Variants in SYT1 observed in about 807,000 individuals in gnomAD.
The protein encoded by SYT1 is synaptotagmin 1, also known as synaptotagmin-1.
SYT1 carries 8 observed loss-of-function variants against 44.8 expected under a neutral mutation model. The ratio of observed to expected loss-of-function variants is 0.18; its 90% CI spans 0.10 to 0.32. The LOEUF (loss-of-function observed/expected upper bound fraction) is 0.32, where lower values mean the gene tolerates loss of function less well. Ranked by LOEUF, SYT1 falls within the 10% of genes least tolerant of loss-of-function variation. The pLI is 1.00. For synonymous variants in SYT1, 154 were observed against 188.8 expected (o/e 0.82, Z 1.51); for missense variants, 286 against 509.3 (o/e 0.56, Z 4.22).
At chr12:78,930,499 T>C (rs377560720) in intron 1 of SYT1, among the ~76,000 whole-genome samples, 7 of 152,086 alleles carry the variant, frequency 4.6e-5, no homozygotes, top group Admixed American at 2.6e-4. Context: ...AAAAAATAGA[T>C]GGAGTTAATG....
chr12:79,308,610 GAAAAAGAAAGAA>G (rs1189862002), intron 8 of SYT1, among the ~76,000 whole-genome samples: 1 of 61,076 alleles, frequency 1.6e-5, no homozygotes, highest in Non-Finnish European at 3.5e-5. Context: ...AAGAAAGAAA[GAAAAAGAAAGAA>G]AGAAAGAAAG....
At chr12:79,257,535 C>T (rs1173984812) in intron 4 of SYT1, among the ~76,000 whole-genome samples, 1 of 152,158 alleles carries the variant, frequency 6.6e-6, no homozygotes, top group Non-Finnish European at 1.5e-5. Context: ...GGCCGGACTG[C>T]GGACTGCAGT....
intron 3 of SYT1, among the ~76,000 whole-genome samples, chr12:79,110,008 G>A (rs1035081666): frequency 1.3e-5 from 2 of 152,128 alleles, no homozygotes; most frequent in African/African-American, 2.4e-5. Flanking sequence ...TGAACACTTT[G>A]CAAACAAGTA....
chr12:78,870,100 T>C (rs924926334), intron 1 of SYT1, among the ~76,000 whole-genome samples: 1 of 152,036 alleles, frequency 6.6e-6, no homozygotes, highest in Non-Finnish European at 1.5e-5. Flanking sequence ...TATAAACTAG[T>C]GTAAGAATTC....
At chr12:78,982,089 A>G (rs1329886006) in intron 2 of SYT1, among the ~76,000 whole-genome samples, 1 of 152,176 alleles carries the variant, frequency 6.6e-6, no homozygotes, top group Non-Finnish European at 1.5e-5. Context: ...AACAATTTTT[A>G]GAGATGGAAA....
intron 3 of SYT1, among the ~76,000 whole-genome samples, chr12:79,177,901 T>TG (rs953714828): frequency 1.4e-5 from 2 of 138,998 alleles, no homozygotes; most frequent in African/African-American, 5.6e-5. Flanking sequence ...GTTGTTTGTT[T>TG]TTTCTTGTAA....
chr12:79,404,818 A>G (rs1237038125), intron 9 of SYT1, among the ~76,000 whole-genome samples: 1 of 152,194 alleles, frequency 6.6e-6, no homozygotes, highest in Non-Finnish European at 1.5e-5. Context: ...TATATCAGCT[A>G]TCACGAAAAA....
At chr12:79,378,241 C>A (rs184396190) in intron 9 of SYT1, among the ~76,000 whole-genome samples, 1 of 152,196 alleles carries the variant, frequency 6.6e-6, no homozygotes, top group Admixed American at 6.5e-5. Flanking sequence ...TCCTTCCAAT[C>A]CAACCCCAGT....
intron 1 of SYT1, among the ~76,000 whole-genome samples, chr12:78,896,779 T>C (rs991288660): frequency 1.3e-5 from 2 of 151,814 alleles, no homozygotes; most frequent in Non-Finnish European, 2.9e-5. Flanking sequence ...AAAGAAAATA[T>C]CTGAATTATC....
At chr12:78,873,344 CTTTA>C (rs1006277146) in intron 1 of SYT1, among the ~76,000 whole-genome samples, 1 of 151,616 alleles carries the variant, frequency 6.6e-6, no homozygotes, top group Non-Finnish European at 1.5e-5. Context: ...GATACATAGT[CTTTA>C]TTTATCCCAC....
At chr12:79,078,791 T>C (rs1052605190) in intron 3 of SYT1, among the ~76,000 whole-genome samples, 7 of 152,202 alleles carry the variant, frequency 4.6e-5, no homozygotes, top group African/African-American at 1.7e-4. Context: ...AGTTTGTGTA[T>C]ACACACACAC....
chr12:78,903,764 G>A (rs1278524542), intron 1 of SYT1, among the ~76,000 whole-genome samples: 1 of 151,836 alleles, frequency 6.6e-6, no homozygotes, highest in Non-Finnish European at 1.5e-5. Context: ...TATTTAATAG[G>A]TATGTATATT....
chr12:79,088,063 A>C (rs189377681), intron 3 of SYT1, among the ~76,000 whole-genome samples: 1 of 152,062 alleles, frequency 6.6e-6, no homozygotes, highest in Non-Finnish European at 1.5e-5. Flanking sequence ...TAAAATTAGC[A>C]TAATAACCAG....
chr12:78,868,437 T>A (rs1310663264), intron 1 of SYT1, among the ~76,000 whole-genome samples: 1 of 151,880 alleles, frequency 6.6e-6, no homozygotes. Flanking sequence ...CATAAATATA[T>A]CTGTACCAAA....
chr12:78,942,367 T>C (rs1878423598), intron 1 of SYT1, among the ~76,000 whole-genome samples: 4 of 152,332 alleles, frequency 2.6e-5, no homozygotes, highest in African/African-American at 9.6e-5. Context: ...TTGCACATAA[T>C]TATAACTAAT....
chr12:79,169,326 A>G (rs1871379448), intron 3 of SYT1, among the ~76,000 whole-genome samples: 1 of 152,068 alleles, frequency 6.6e-6, no homozygotes, highest in African/African-American at 2.4e-5. Context: ...AAACTCTTAT[A>G]AAATATATAC....
rs190418673 is a variant in SYT1, at chr12:78,875,042, G to A, written c.-217+9933G>A. Among the ~76,000 whole-genome samples the A allele has an allele frequency of 2.9e-3, 434 of 151,694 alleles. 1 individual carries two copies. Among genetic ancestry groups the A allele is most frequent in the African/African-American group, 9.9e-3 (410 of 41,474 alleles). On this transcript the variant is annotated intron_variant, in intron 1 of 10. Transcript: ENST00000261205. The stretch of plus-strand genomic sequence containing the variant: ...AACAGCAAATTGCAGAGCCACTTGC[G>A]TGTAAATGAGAATTTCAAACTTTTA...
At chr12:79,293,507 T>A (rs978850082) in intron 6 of SYT1, among the ~76,000 whole-genome samples, 11 of 152,220 alleles carry the variant, frequency 7.2e-5, no homozygotes, top group Admixed American at 3.9e-4. Context: ...AAAGAACTGA[T>A]GAATGTAAAA....
At chr12:79,120,369 C>T (rs907452580) in intron 3 of SYT1, among the ~76,000 whole-genome samples, 1 of 151,900 alleles carries the variant, frequency 6.6e-6, no homozygotes, top group Non-Finnish European at 1.5e-5. Flanking sequence ...GTGTAATATT[C>T]CCATGTAACA....
Sources: allele counts gnomAD v4.1 joint callset (sites outside exome capture counted in the v4.1 genomes callset), GRCh38; gene constraint gnomAD v4.1.1; transcripts MANE v1.5; gene names NCBI Gene and HGNC (gene_info 2026-07-23, HGNC 2026-07-21).